Variants in EDIL3 observed in about 807,000 individuals in gnomAD.
EDIL3 encodes the protein EGF like and discoidin domains 3.
Under a neutral mutation model 67.4 loss-of-function variants are expected in EDIL3, and 37 were observed. The ratio of observed to expected loss-of-function variants is 0.55; its 90% CI spans 0.42 to 0.72. EDIL3 has a LOEUF of 0.72. Ranked by LOEUF, EDIL3 falls within the 30% of genes least tolerant of loss-of-function variation. The pLI is 0.00. For synonymous variants in EDIL3, 195 were observed against 196.3 expected (o/e 0.99, Z 0.05); for missense variants, 527 against 586.3 (o/e 0.90, Z 1.04).
chr5:84,353,177 C>T (rs1344403537), intron 1 of EDIL3, among the ~76,000 whole-genome samples: 1 of 152,040 alleles, frequency 6.6e-6, no homozygotes, highest in African/African-American at 2.4e-5. Flanking sequence ...GGGTGCCAAC[C>T]AACGTGAATC....
intron 9 of EDIL3, among the ~76,000 whole-genome samples, chr5:84,023,206 C>T (rs557847919): frequency 1.3e-5 from 2 of 151,926 alleles, no homozygotes; most frequent in Admixed American, 6.6e-5. Flanking sequence ...ATGGAATTAT[C>T]GTGTGGTATA....
chr5:84,179,078 G>C (rs1189955962), intron 4 of EDIL3, among the ~76,000 whole-genome samples: 2 of 152,120 alleles, frequency 1.3e-5, no homozygotes, highest in African/African-American at 4.8e-5. Context: ...GAAAAGACTT[G>C]GGGTGGCCAG....
Position 84,384,233 on chromosome 5 carries a change from C to T in EDIL3, c.67+75G>A, listed in dbSNP as rs1031693311. 3.9e-6 allele frequency: 6 copies of T among 1,535,414 alleles called. No homozygotes were observed. The East Asian group carries it at 1.2e-4, about 31-fold the overall frequency. On this transcript the variant is annotated intron_variant, in intron 1 of 10. Coordinates refer to ENST00000296591, the MANE Select transcript of EDIL3 (RefSeq NM_005711.5). ...CTTGGCACGCCGGAGGGACCGCCTC[C>T]GGCCCCCTGCGCGGCGTTTCTCAGG... is the stretch of plus-strand genomic sequence containing the variant.
intron 1 of EDIL3, among the ~76,000 whole-genome samples, chr5:84,339,031 G>C (rs1017202424): frequency 6.6e-6 from 1 of 151,984 alleles, no homozygotes; most frequent in Non-Finnish European, 1.5e-5. Context: ...TTTGTGTACT[G>C]GGCTCTGTGG....
At position 84,384,396 on chromosome 5, in the gene EDIL3, C is replaced by G; in HGVS notation, c.-22G>C. On this transcript the variant is annotated 5_prime_UTR_variant, in exon 1 of 11. Coordinates refer to ENST00000296591, the MANE Select transcript of EDIL3 (RefSeq NM_005711.5). ...TCATGATCCCGTCTCCCGGACGTGA[C>G]CCCGGCTGGTCAGGGGTCGTCGCGG... 6.2e-7 allele frequency: 1 copy of G among 1,612,308 alleles called. No homozygotes were observed. The highest frequency in any genetic ancestry group is 1.1e-5 in the South Asian group (1 of 90,800).
chr5:84,100,232 A>G (rs1322723036), intron 6 of EDIL3, among the ~76,000 whole-genome samples: 1 of 152,158 alleles, frequency 6.6e-6, no homozygotes, highest in Admixed American at 6.6e-5. Flanking sequence ...CTGGATATAT[A>G]CCCAAAAGAT....
chr5:84,011,467 C>A (rs2112180761), intron 9 of EDIL3, among the ~76,000 whole-genome samples: 1 of 152,306 alleles, frequency 6.6e-6, no homozygotes, highest in East Asian at 1.9e-4. Context: ...CCTAACTGAT[C>A]TTGCCGTTTC....
intron 9 of EDIL3, among the ~76,000 whole-genome samples, chr5:84,038,767 A>G (rs1217994631): frequency 6.6e-6 from 1 of 152,230 alleles, no homozygotes; most frequent in Non-Finnish European, 1.5e-5. Flanking sequence ...AAAGCTAGGG[A>G]CACAAAGTGT....
chr5:84,266,752 CA>C (rs2112091055), intron 1 of EDIL3, among the ~76,000 whole-genome samples: 1 of 152,298 alleles, frequency 6.6e-6, no homozygotes, highest in East Asian at 1.9e-4. Context: ...TAAAATCACA[CA>C]AACTGTTCCT....
intron 4 of EDIL3, among the ~76,000 whole-genome samples, chr5:84,176,703 C>G (rs1209655920): frequency 6.6e-6 from 1 of 151,672 alleles, no homozygotes; most frequent in East Asian, 1.9e-4. Flanking sequence ...AATTTTGGTG[C>G]TCAATTCATT....
At chr5:84,334,222 C>A (rs776604106) in intron 1 of EDIL3, among the ~76,000 whole-genome samples, 5 of 151,940 alleles carry the variant, frequency 3.3e-5, no homozygotes, top group Non-Finnish European at 7.4e-5. Context: ...CCACCACACG[C>A]GCCTAATTTT....
At position 83,945,573 on chromosome 5, in the gene EDIL3, C is replaced by A. The variant is rs558019681; in HGVS notation, c.1294-2005G>T. On this transcript the variant is annotated intron_variant, in intron 10 of 10. Transcript: ENST00000296591. ...GAAATACAGAAAGAAACAATTTTCT[C>A]TTAAGTGTCTGCTCTCCAGCACAGG... is the stretch of plus-strand genomic sequence containing the variant. Among the ~76,000 whole-genome samples the A allele has an allele frequency of 3.9e-5, 6 of 152,018 alleles. No individual in the cohort carries two copies. In the East Asian group the frequency reaches 5.9e-4, roughly 15 times the overall value.
chr5:84,165,937 A>C (rs1288499602), intron 4 of EDIL3, among the ~76,000 whole-genome samples: 1 of 152,104 alleles, frequency 6.6e-6, no homozygotes, highest in Non-Finnish European at 1.5e-5. Context: ...CTTGCCTCCT[A>C]CATATTTATC....
At chr5:84,267,849 G>C (rs1191387419) in intron 1 of EDIL3, among the ~76,000 whole-genome samples, 1 of 152,172 alleles carries the variant, frequency 6.6e-6, no homozygotes, top group Non-Finnish European at 1.5e-5. Context: ...TAATAATTTG[G>C]CCAAAGGCCA....
At chr5:84,156,926 A>C (rs1427910599) in intron 4 of EDIL3, among the ~76,000 whole-genome samples, 1 of 152,152 alleles carries the variant, frequency 6.6e-6, no homozygotes, top group Non-Finnish European at 1.5e-5. Context: ...AGACCAGAGT[A>C]CTATCAGCAC....
At chr5:84,101,360 GAATT>G (rs1023330864) in intron 6 of EDIL3, among the ~76,000 whole-genome samples, 1 of 151,838 alleles carries the variant, frequency 6.6e-6, no homozygotes, top group Non-Finnish European at 1.5e-5. Flanking sequence ...ATTATTCTGA[GAATT>G]AAATTTAAAA....
At chr5:84,216,400 CA>C (rs1561224322) in intron 3 of EDIL3, among the ~76,000 whole-genome samples, 1 of 151,934 alleles carries the variant, frequency 6.6e-6, no homozygotes, top group Non-Finnish European at 1.5e-5. Context: ...ATATGCATAA[CA>C]AAAAAGTTGA....
intron 9 of EDIL3, among the ~76,000 whole-genome samples, chr5:84,010,133 A>G (rs1359165954): frequency 6.6e-6 from 1 of 152,214 alleles, no homozygotes; most frequent in African/African-American, 2.4e-5. Flanking sequence ...ACTCATTAGT[A>G]CTTACATTTC....
chr5:84,380,034 T>C (rs1484123569), intron 1 of EDIL3, among the ~76,000 whole-genome samples: 2 of 152,056 alleles, frequency 1.3e-5, no homozygotes, highest in Non-Finnish European at 2.9e-5. Context: ...CAAGTGGTAA[T>C]ACATTCAGTT....
Sources: allele counts gnomAD v4.1 joint callset (sites outside exome capture counted in the v4.1 genomes callset), GRCh38; gene constraint gnomAD v4.1.1; transcripts MANE v1.5; gene names NCBI Gene and HGNC (gene_info 2026-07-23, HGNC 2026-07-21).